The following HECW2 variants were observed in gnomAD, a reference collection of about 807,000 sequenced individuals.
HECW2 encodes the protein HECT, C2 and WW domain containing E3 ubiquitin protein ligase 2.
HECW2 carries 61 observed loss-of-function variants against 175.2 expected under a neutral mutation model. The ratio of observed to expected loss-of-function variants is 0.35; its 90% CI spans 0.28 to 0.43. The LOEUF (loss-of-function observed/expected upper bound fraction) is 0.43, where lower values mean the gene tolerates loss of function less well. Ranked by LOEUF, HECW2 falls within the 20% of genes least tolerant of loss-of-function variation. The pLI is 1.00. For missense variants in HECW2, 1,524 were observed against 2,000.5 expected, an observed-to-expected ratio of 0.76 and a Z score of 4.54; for synonymous variants, 671 against 731.0, an observed-to-expected ratio of 0.92 and a Z score of 1.32.
intron 1 of HECW2, among the ~76,000 whole-genome samples, chr2:196,527,865 A>G (rs1332637114): frequency 1.3e-5 from 2 of 152,222 alleles, no homozygotes; most frequent in East Asian, 3.8e-4. Flanking sequence ...AAAATTTTAT[A>G]AGCAGTCATG....
intron 1 of HECW2, among the ~76,000 whole-genome samples, chr2:196,448,327 T>C (rs1696245625): frequency 6.6e-6 from 1 of 152,176 alleles, no homozygotes; most frequent in Non-Finnish European, 1.5e-5. Flanking sequence ...CATGTTATCA[T>C]GCAGCTCTTA....
intron 13 of HECW2, among the ~76,000 whole-genome samples, chr2:196,301,111 A>C (rs1446256478): frequency 6.6e-6 from 1 of 152,078 alleles, no homozygotes; most frequent in African/African-American, 2.4e-5. Flanking sequence ...CCCACTTACA[A>C]GTGAGAACAT....
At position 196,329,488 on chromosome 2, in the gene HECW2, T is replaced by C. The variant is rs190837390; in HGVS notation, c.571+87A>G. On this transcript the variant is annotated intron_variant, in intron 5 of 28. Coordinates refer to ENST00000644978, the MANE Select transcript of HECW2 (RefSeq NM_001348768.2). Reference sequence around the variant, plus strand: ...CTAGTTCACATATCATCATATCATATACGAAAGTCTGCAGAAAGAAGTGAC... The same window carrying C: ...CTAGTTCACATATCATCATATCATACACGAAAGTCTGCAGAAAGAAGTGAC... The C allele has an allele frequency of 5.6e-4, 592 of 1,053,458 alleles. 1 individual carries two copies. The highest frequency in any genetic ancestry group is 1.2e-4 in the South Asian group (9 of 76,474). The allele number at this position is 1,053,458 out of a possible 1,614,324, so 65.3% of individuals were successfully genotyped here.
chr2:196,393,502 T>A (rs1397015506), intron 2 of HECW2, among the ~76,000 whole-genome samples: 2 of 151,972 alleles, frequency 1.3e-5, no homozygotes, highest in Non-Finnish European at 2.9e-5. Context: ...AGGATATGAA[T>A]AGACAATTCT....
At chr2:196,307,814 G>A (rs2305566) in intron 11 of HECW2, 121 bp downstream of exon 11, 76,570 of 930,070 alleles carry the variant, frequency 0.082, 3,532 homozygotes, top group East Asian at 0.17. Context: ...AGCGGTAACA[G>A]CTACACTTTA....
At chr2:196,246,518 T>G (rs1575287468) in intron 19 of HECW2, among the ~76,000 whole-genome samples, 1 of 152,036 alleles carries the variant, frequency 6.6e-6, no homozygotes, top group Admixed American at 6.5e-5. Context: ...CTGAGTAGCT[T>G]GGACTACAGG....
At chr2:196,492,648 A>G (rs1036506516) in intron 1 of HECW2, among the ~76,000 whole-genome samples, 1 of 152,230 alleles carries the variant, frequency 6.6e-6, no homozygotes, top group African/African-American at 2.4e-5. Context: ...TAATTCAAAG[A>G]TACCATTGTT....
At chr2:196,540,001 C>T (rs1267967269) in intron 1 of HECW2, among the ~76,000 whole-genome samples, 1 of 152,210 alleles carries the variant, frequency 6.6e-6, no homozygotes, top group Non-Finnish European at 1.5e-5. Flanking sequence ...GATGAATGAG[C>T]AGTCACTTTG....
chr2:196,451,445 AAAAAG>A (rs1360613602), intron 1 of HECW2, among the ~76,000 whole-genome samples: 7,580 of 145,614 alleles, frequency 0.052, 450 homozygotes, highest in African/African-American at 0.16. Context: ...AAAAAAAAAA[AAAAAG>A]AAAAGAAATG....
intron 1 of HECW2, among the ~76,000 whole-genome samples, chr2:196,528,705 A>T (rs1688749213): frequency 1.3e-5 from 2 of 152,238 alleles, no homozygotes; most frequent in African/African-American, 4.8e-5. Flanking sequence ...GGGAGCAGTC[A>T]CAATTATGTG....
chr2:196,463,387 C>G (rs975371050), intron 1 of HECW2, among the ~76,000 whole-genome samples: 2 of 149,092 alleles, frequency 1.3e-5, no homozygotes, highest in Non-Finnish European at 3.0e-5. Flanking sequence ...ACACCACCCA[C>G]CACCACCCTC....
Position 196,278,657 on chromosome 2 carries a change from G to A in HECW2, c.3006C>T (p.Phe1002=). The A allele has an allele frequency of 1.2e-6, 2 of 1,614,062 alleles. No individual in the cohort carries two copies. The highest frequency in any genetic ancestry group is 1.7e-6 in the Non-Finnish European group (2 of 1,179,958). Reference sequence around the variant, plus strand: ...TGGTGCGGGAGTTGTGGTCCACAAAGAATGCCTAGGATACAATACACTGAG... The same window carrying A: ...TGGTGCGGGAGTTGTGGTCCACAAAAAATGCCTAGGATACAATACACTGAG... ...EMKHDHQGKA[F]FVDHNSRTTT... Residue 1002 remains phenylalanine, a synonymous_variant, in exon 15 of 29, where the codon TTC becomes TTT. Transcript: ENST00000644978.
At chr2:196,258,010 C>T in intron 17 of HECW2, 104 bp from the exon 18 acceptor site, 2 of 777,084 alleles carry the variant, frequency 2.6e-6, no homozygotes, top group Non-Finnish European at 4.4e-6. Context: ...TTTTTGGTAC[C>T]TATTATGTGG....
chr2:196,578,936 AGAG>A (rs1406956534), intron 1 of HECW2, among the ~76,000 whole-genome samples: 1 of 151,006 alleles, frequency 6.6e-6, no homozygotes, highest in Non-Finnish European at 1.5e-5. Flanking sequence ...CTATCTACAC[AGAG>A]AAGATAAATA....
intron 2 of HECW2, among the ~76,000 whole-genome samples, chr2:196,406,354 C>T (rs1019046127): frequency 1.3e-5 from 2 of 152,204 alleles, no homozygotes; most frequent in Non-Finnish European, 2.9e-5. Flanking sequence ...GTTTCCCACA[C>T]CAATCTAAGC....
In HECW2 at chr2:196,488,039, T is replaced by G. The variant is rs184532641; in HGVS notation, c.-35-54581A>C. Among the ~76,000 whole-genome samples, 68 of 152,352 alleles carry G rather than the reference T, an allele frequency of 4.5e-4. 1 individual carries two copies. In the East Asian group the frequency reaches 9.3e-3, roughly 21 times the overall value. On this transcript the variant is annotated intron_variant, in intron 1 of 28. Transcript: ENST00000644978. ...ACTATGATGTTTTTGAAATTCCACT[T>G]ACTGTGCTTCCTTTTTAAAATGAGA... is the stretch of plus-strand genomic sequence containing the variant.
chr2:196,569,161 A>AC (rs1419199861), intron 1 of HECW2, among the ~76,000 whole-genome samples: 2 of 152,044 alleles, frequency 1.3e-5, no homozygotes, highest in African/African-American at 2.4e-5. Context: ...ACATAGTGAG[A>AC]CCCCATCTCT....
chr2:196,507,150 A>G (rs1229306452), intron 1 of HECW2, among the ~76,000 whole-genome samples: 1 of 145,738 alleles, frequency 6.9e-6, no homozygotes, highest in African/African-American at 2.5e-5. Flanking sequence ...GTTAGTGTGT[A>G]TATTATACAC....
At chr2:196,216,077 G>A in intron 27 of HECW2, 100 bp from the exon 28 acceptor site, 1 of 762,648 alleles carries the variant, frequency 1.3e-6, no homozygotes, top group Non-Finnish European at 2.2e-6. Context: ...GGAAGAGCAG[G>A]CAGGAAAGTT....
Sources: gnomAD v4.1 joint callset for allele counts (sites outside exome capture counted in the v4.1 genomes callset) on GRCh38, gnomAD v4.1.1 for gene constraint, MANE v1.5 for transcripts, NCBI Gene and HGNC (gene_info 2026-07-23, HGNC 2026-07-21) for gene names.